RAB3C: variants seen among roughly 807,000 people sequenced by gnomAD.
The protein encoded by RAB3C is RAB3C, member RAS oncogene family, also known as ras-related protein Rab-3C.
Under a neutral mutation model 26.4 loss-of-function variants are expected in RAB3C, and 17 were observed. The ratio of observed to expected loss-of-function variants is 0.64; its 90% CI spans 0.44 to 0.97. RAB3C has a LOEUF of 0.97. Among genes scored for constraint, RAB3C ranks in the 50% least tolerant of loss-of-function variants. The pLI is 0.00. For missense variants in RAB3C, 242 were observed against 281.9 expected (o/e 0.86, Z 1.01); for synonymous variants, 91 against 95.9 (o/e 0.95, Z 0.30).
At chr5:58,703,764 C>A (rs1748893832) in intron 2 of RAB3C, among the ~76,000 whole-genome samples, 1 of 152,070 alleles carries the variant, frequency 6.6e-6, no homozygotes. Context: ...CCCCTTTTAA[C>A]AAATTTTGAT....
chr5:58,735,011 T>G (rs573791125), intron 3 of RAB3C, among the ~76,000 whole-genome samples: 10 of 152,354 alleles, frequency 6.6e-5, no homozygotes, highest in Admixed American at 4.6e-4. Context: ...TACAGTTGAT[T>G]CATTAACATT....
intron 4 of RAB3C, among the ~76,000 whole-genome samples, chr5:58,841,920 C>T (rs1485837049): frequency 6.6e-6 from 1 of 152,128 alleles, no homozygotes; most frequent in African/African-American, 2.4e-5. Flanking sequence ...TCCTTTTCTA[C>T]TCATGTATTT....
At position 58,612,724 on chromosome 5, in the gene RAB3C, C is replaced by T. The variant is rs1180195674; in HGVS notation, c.25-4919C>T. 2.0e-5 allele frequency among the ~76,000 whole-genome samples: 3 copies of T among 151,572 alleles called. 1 individual carries two copies. Among genetic ancestry groups the T allele is most frequent in the Admixed American group, 2.0e-4 (3 of 15,168 alleles). On this transcript the variant is annotated intron_variant, in intron 1 of 4. Coordinates refer to ENST00000282878, the MANE Select transcript of RAB3C (RefSeq NM_138453.4). ...TTTATCAGCTTAAGGAGCTTTTGGG[C>T]CAAGGCTACGGGGTTTTCTAAATAT...
intron 2 of RAB3C, among the ~76,000 whole-genome samples, chr5:58,654,554 T>C (rs906505146): frequency 5.9e-5 from 9 of 152,214 alleles, no homozygotes; most frequent in African/African-American, 1.9e-4. Context: ...TTTCCCATTT[T>C]TAAATGAAAT....
At chr5:58,606,826 C>A (rs939465307) in intron 1 of RAB3C, among the ~76,000 whole-genome samples, 1 of 152,144 alleles carries the variant, frequency 6.6e-6, no homozygotes, top group Non-Finnish European at 1.5e-5. Context: ...AGCTGAGGGA[C>A]CTGTTAGAAG....
intron 2 of RAB3C, among the ~76,000 whole-genome samples, chr5:58,640,432 C>CTATGCAA (rs1747391270): frequency 6.6e-6 from 1 of 152,128 alleles, no homozygotes; most frequent in African/African-American, 2.4e-5. Context: ...TTGAGGCTGA[C>CTATGCAA]TATGCAATTA....
At chr5:58,639,751 A>T (rs1296986376) in intron 2 of RAB3C, among the ~76,000 whole-genome samples, 4 of 152,078 alleles carry the variant, frequency 2.6e-5, no homozygotes, top group Non-Finnish European at 5.9e-5. Context: ...TCACCTCCCA[A>T]ATAAACCACC....
In RAB3C at chr5:58,628,156, CAAAAAAAAAAAA is replaced by C. The variant is rs58277302; in HGVS notation, c.252+10297_252+10308del. The stretch of plus-strand genomic sequence containing the variant: ...TGGGCGACAAGGCAAGACTCCGTCT[CAAAAAAAAAAAA>C]AAAAAAAAAACAGTTTACAAAGCAT... On this transcript the variant is annotated intron_variant, in intron 2 of 4. Coordinates refer to ENST00000282878, the MANE Select transcript of RAB3C (RefSeq NM_138453.4). Among the ~76,000 whole-genome samples, 703 of 71,490 alleles carry C rather than the reference CAAAAAAAAAAAA, an allele frequency of 9.8e-3. 9 individuals carry two copies. Among genetic ancestry groups the C allele is most frequent in the African/African-American group, 0.037 (674 of 18,332 alleles). 46.9% of individuals were successfully genotyped at this position (71,490 alleles called of 152,430 possible).
chr5:58,854,272 C>T lies in RAB3C; in HGVS notation c.*2921C>T, dbSNP rs1455978127. ...TTAAGTATGAATTTATTTTCCTTTG[C>T]TACTCATTACCTGACCACTTTCACT... On this transcript the variant is annotated 3_prime_UTR_variant, in exon 5 of 5. Transcript: ENST00000282878. The T allele has an allele frequency of 6.6e-6, 1 of 152,052 alleles. No homozygotes were observed. Among genetic ancestry groups the T allele is most frequent in the Non-Finnish European group, 1.5e-5 (1 of 68,004 alleles). The allele number at this position is 152,052 out of a possible 1,614,324, so 9.4% of individuals were successfully genotyped here.
chr5:58,828,471 C>G (rs1579941701), intron 4 of RAB3C, among the ~76,000 whole-genome samples: 1 of 152,250 alleles, frequency 6.6e-6, no homozygotes, highest in East Asian at 1.9e-4. Flanking sequence ...CCTCAGTCCA[C>G]CACTCCTCTC....
chr5:58,828,383 C>T (rs1743537013), intron 4 of RAB3C, among the ~76,000 whole-genome samples: 2 of 152,184 alleles, frequency 1.3e-5, no homozygotes, highest in Non-Finnish European at 2.9e-5. Context: ...TGTTCATCTC[C>T]TCCCTCTCCA....
chr5:58,848,191 G>A (rs1000436934), intron 4 of RAB3C, among the ~76,000 whole-genome samples: 2 of 152,264 alleles, frequency 1.3e-5, no homozygotes, highest in Admixed American at 6.5e-5. Flanking sequence ...CTAGAATTCT[G>A]TATAGAAATA....
At chr5:58,809,168 A>G (rs1380544421) in intron 3 of RAB3C, among the ~76,000 whole-genome samples, 1 of 152,232 alleles carries the variant, frequency 6.6e-6, no homozygotes, top group Non-Finnish European at 1.5e-5. Flanking sequence ...ATTCTCGTGT[A>G]AAATACTTAT....
intron 2 of RAB3C, among the ~76,000 whole-genome samples, chr5:58,625,787 G>A (rs1444383425): frequency 6.6e-6 from 1 of 151,562 alleles, no homozygotes; most frequent in Non-Finnish European, 1.5e-5. Context: ...AACCTGGGAG[G>A]TGGAGGTTGC....
chr5:58,638,167 A>T (rs1245481334), intron 2 of RAB3C, among the ~76,000 whole-genome samples: 1 of 152,164 alleles, frequency 6.6e-6, no homozygotes, highest in Non-Finnish European at 1.5e-5. Context: ...AGAGGGCATG[A>T]GATGCCTATT....
chr5:58,809,228 TA>T (rs1004080891), intron 3 of RAB3C, among the ~76,000 whole-genome samples: 1 of 152,142 alleles, frequency 6.6e-6, no homozygotes, highest in South Asian at 2.1e-4. Flanking sequence ...TCTTTTCATA[TA>T]AAAATAGAAG....
At chr5:58,612,518 GTGTATATATATATATATATA>G (rs1165648301) in intron 1 of RAB3C, among the ~76,000 whole-genome samples, 7 of 40,584 alleles carry the variant, frequency 1.7e-4, no homozygotes, top group African/African-American at 5.6e-4. Flanking sequence ...GTGTGTGTGT[GTGTATATATATATATATATA>G]TATATATATG....
rs59197675 is a variant in RAB3C at position 58,826,180 on chromosome 5, A to G, written c.496+1018A>G. On this transcript the variant is annotated intron_variant, in intron 4 of 4. Coordinates refer to ENST00000282878, the MANE Select transcript of RAB3C (RefSeq NM_138453.4). ...AGCAATGCAGAGAGGGCCCCCGGGG[A>G]GATCAGGTGTGGAAATGAATACACC... Among the ~76,000 whole-genome samples the G allele has an allele frequency of 7.2e-3, 1,094 of 152,190 alleles. 18 individuals are homozygous for G. The highest frequency in any genetic ancestry group is 0.025 in the African/African-American group (1,026 of 41,524).
chr5:58,757,372 C>G (rs557891688), intron 3 of RAB3C, among the ~76,000 whole-genome samples: 1 of 151,592 alleles, frequency 6.6e-6, no homozygotes, highest in African/African-American at 2.4e-5. Context: ...AATACTTCTA[C>G]AACCTTTCTT....
Sources: gnomAD v4.1 joint callset for allele counts (sites outside exome capture counted in the v4.1 genomes callset) on GRCh38, gnomAD v4.1.1 for gene constraint, MANE v1.5 for transcripts, NCBI Gene and HGNC (gene_info 2026-07-23, HGNC 2026-07-21) for gene names.